NLGN1: variants seen among roughly 807,000 people sequenced by gnomAD.
NLGN1 encodes neuroligin-1.
Under a neutral mutation model 65.5 loss-of-function variants are expected in NLGN1, and 12 were observed. The ratio of observed to expected loss-of-function variants is 0.18; its 90% CI spans 0.12 to 0.30. NLGN1 has a LOEUF of 0.30. NLGN1 is among the 10% of genes least tolerant of loss of function. The pLI is 1.00. For synonymous variants in NLGN1, 350 were observed against 359.5 expected (o/e 0.97, Z 0.30); for missense variants, 750 against 1,007.1 (o/e 0.74, Z 3.46).
intron 4 of NLGN1, among the ~76,000 whole-genome samples, chr3:174,044,700 T>C (rs1733136992): frequency 6.6e-6 from 1 of 152,078 alleles, no homozygotes; most frequent in Non-Finnish European, 1.5e-5. Flanking sequence ...CCTGTCTTCT[T>C]CTGAGGCCTC....
chr3:173,516,716 T>A (rs1733874055), intron 2 of NLGN1, among the ~76,000 whole-genome samples: 1 of 152,056 alleles, frequency 6.6e-6, no homozygotes, highest in Admixed American at 6.6e-5. Context: ...TTATGTATGT[T>A]CTTCATACAG....
At chr3:173,510,049 A>T (rs1732677231) in intron 2 of NLGN1, among the ~76,000 whole-genome samples, 1 of 152,218 alleles carries the variant, frequency 6.6e-6, no homozygotes, top group African/African-American at 2.4e-5. Flanking sequence ...TGGCTGTAAC[A>T]AGAATCTACA....
intron 4 of NLGN1, among the ~76,000 whole-genome samples, chr3:173,985,165 C>A (rs571892384): frequency 2.6e-5 from 4 of 152,178 alleles, no homozygotes; most frequent in African/African-American, 9.6e-5. Flanking sequence ...AGAATTATGA[C>A]GATTTGAAAC....
At chr3:174,140,542 A>C (rs1722087844) in intron 4 of NLGN1, among the ~76,000 whole-genome samples, 1 of 152,166 alleles carries the variant, frequency 6.6e-6, no homozygotes, top group African/African-American at 2.4e-5. Context: ...ATGAGGCAAA[A>C]AGAAAGTAAA....
intron 2 of NLGN1, among the ~76,000 whole-genome samples, chr3:173,453,887 C>A (rs921730473): frequency 1.3e-5 from 2 of 152,150 alleles, no homozygotes; most frequent in African/African-American, 4.8e-5. Context: ...AATGCTGAGT[C>A]CTTTCCAGAA....
chr3:173,733,018 A>G (rs1406498070), intron 3 of NLGN1, among the ~76,000 whole-genome samples: 1 of 152,176 alleles, frequency 6.6e-6, no homozygotes, highest in Non-Finnish European at 1.5e-5. Flanking sequence ...ATCAAAAATT[A>G]TCTTTCAATT....
At chr3:173,885,989 G>A (rs1432299017) in intron 4 of NLGN1, among the ~76,000 whole-genome samples, 2 of 152,078 alleles carry the variant, frequency 1.3e-5, no homozygotes, top group African/African-American at 4.8e-5. Flanking sequence ...TCTAAAACAT[G>A]AAGAAAGTTA....
At chr3:174,146,728 G>T (rs948347968) in intron 4 of NLGN1, among the ~76,000 whole-genome samples, 2 of 151,646 alleles carry the variant, frequency 1.3e-5, no homozygotes, top group African/African-American at 2.4e-5. Flanking sequence ...CCACTGCGCC[G>T]GGCTAATTTT....
At chr3:174,288,522 G>A (rs534227180), downstream of NLGN1, among the ~76,000 whole-genome samples, 92 of 151,036 alleles carry the variant, frequency 6.1e-4, no homozygotes, top group African/African-American at 2.2e-3. Flanking sequence ...TAGCCACACC[G>A]TCTTCATCGC....
intron 2 of NLGN1, among the ~76,000 whole-genome samples, chr3:173,500,034 A>G (rs1210720703): frequency 3.3e-5 from 5 of 152,082 alleles, no homozygotes; most frequent in Non-Finnish European, 7.3e-5. Flanking sequence ...CTAATTGAAT[A>G]CCCTTTATTT....
intron 4 of NLGN1, among the ~76,000 whole-genome samples, chr3:174,224,974 C>A: frequency 6.6e-6 from 1 of 152,230 alleles, no homozygotes; most frequent in African/African-American, 2.4e-5. Flanking sequence ...AAACCAAAGT[C>A]TTCCAAAAGA....
At chr3:173,426,414 T>C (rs955396474) in intron 1 of NLGN1, among the ~76,000 whole-genome samples, 1 of 152,102 alleles carries the variant, frequency 6.6e-6, no homozygotes, top group African/African-American at 2.4e-5. Flanking sequence ...TTTTCCAAAT[T>C]TGACAATAAA....
At chr3:174,068,875 A>T (rs2152530767) in intron 4 of NLGN1, among the ~76,000 whole-genome samples, 1 of 152,302 alleles carries the variant, frequency 6.6e-6, no homozygotes. Flanking sequence ...TTGAATAGCA[A>T]GCGTATTCTA....
intron 4 of NLGN1, among the ~76,000 whole-genome samples, chr3:174,058,776 T>C (rs564321469): frequency 3.3e-5 from 5 of 152,246 alleles, no homozygotes; most frequent in African/African-American, 1.2e-4. Flanking sequence ...TTCCTTATAG[T>C]AATCCATGTC....
chr3:173,504,763 C>T (rs1234718376), intron 2 of NLGN1, among the ~76,000 whole-genome samples: 2 of 152,104 alleles, frequency 1.3e-5, no homozygotes, highest in Non-Finnish European at 2.9e-5. Context: ...GGTGATCTCT[C>T]AGCAACATTT....
At chr3:173,825,453 A>G (rs1721152879) in intron 4 of NLGN1, among the ~76,000 whole-genome samples, 1 of 152,054 alleles carries the variant, frequency 6.6e-6, no homozygotes, top group Non-Finnish European at 1.5e-5. Context: ...TCCTTTGCTC[A>G]GCCTTTGTAG....
At chr3:173,543,881 G>A (rs1300640426) in intron 2 of NLGN1, among the ~76,000 whole-genome samples, 1 of 152,110 alleles carries the variant, frequency 6.6e-6, no homozygotes, top group African/African-American at 2.4e-5. Flanking sequence ...TATTTGTTAT[G>A]AAACATAGGT....
chr3:173,436,251 G>C (rs150673310), intron 2 of NLGN1, among the ~76,000 whole-genome samples: 21 of 152,266 alleles, frequency 1.4e-4, no homozygotes, highest in African/African-American at 4.8e-4. Context: ...ATCCAAATAT[G>C]CTAAGAAGGA....
At chr3:173,919,286 C>T (rs1253884295) in intron 4 of NLGN1, among the ~76,000 whole-genome samples, 1 of 152,058 alleles carries the variant, frequency 6.6e-6, no homozygotes, top group East Asian at 1.9e-4. Flanking sequence ...GCTGTTTATC[C>T]CCTTGAGGAC....
Sources: allele counts gnomAD v4.1 joint callset (sites outside exome capture counted in the v4.1 genomes callset), GRCh38; gene constraint gnomAD v4.1.1; transcripts MANE v1.5; gene names NCBI Gene and HGNC (gene_info 2026-07-23, HGNC 2026-07-21).